The following CSH1 variants were observed in gnomAD, a reference collection of about 807,000 sequenced individuals.
The protein encoded by CSH1 is chorionic somatomammotropin hormone 1.
In CSH1, 17 loss-of-function variants were observed where a neutral mutation model predicts 19.4. The ratio of observed to expected loss-of-function variants is 0.88; its 90% CI spans 0.60 to 1.31. The LOEUF (loss-of-function observed/expected upper bound fraction) is 1.31. Ranked by LOEUF, CSH1 falls within the 40% of genes most tolerant of loss-of-function variation. The pLI is 0.00. For missense variants in CSH1, 190 were observed against 243.1 expected (o/e 0.78, Z 1.45); for synonymous variants, 72 against 104.6 (o/e 0.69, Z 1.90).
chr17:63,895,416 C>G, intron 4 of CSH1, 57 bp downstream of exon 4: 1 of 1,612,952 alleles, frequency 6.2e-7, no homozygotes, highest in South Asian at 1.1e-5. Flanking sequence ...ATTTCTCTCC[C>G]CCAGCCCTCG....
chr17:63,896,336 T>G (rs1906135648), intron 1 of CSH1, 101 bp from the exon 2 acceptor site: 1 of 1,602,774 alleles, frequency 6.2e-7, no homozygotes, highest in Non-Finnish European at 8.5e-7. Context: ...TCTCCATCCC[T>G]CCAGAGACCA....
In CSH1 at chr17:63,895,314, T is replaced by C. The variant is rs145558275; in HGVS notation, c.457-95A>G. On this transcript the variant is annotated intron_variant, in intron 4 of 4. Coordinates refer to ENST00000316193, the MANE Select transcript of CSH1 (RefSeq NM_001317.6). ...ATTTTCCTCCCTCCCCTTCAGGGTG[T>C]AGAGAAAGGCCTGGAGGATTCACCA... is the stretch of plus-strand genomic sequence containing the variant. 6.8e-5 allele frequency: 109 copies of C among 1,612,666 alleles called. 5 individuals are homozygous for C. In the African/African-American group the frequency reaches 1.4e-3, roughly 20 times the overall value.
chr17:63,895,082 C>T lies in CSH1; in HGVS notation c.594G>A (p.Lys198=), dbSNP rs746249369. The change falls in exon 5 of 5, where the codon AAG becomes AAA. Residue 198 remains lysine, a synonymous_variant. Transcript: ENST00000316193. ...GCACCATGCGCAGGAATGTCTCGACCTTGTCCATGTCCTTCCTGAAGCAGT... is the reference window on the plus strand; with the variant it reads ...GCACCATGCGCAGGAATGTCTCGACTTTGTCCATGTCCTTCCTGAAGCAGT... The part of the protein sequence containing the change: ...LLYCFRKDMD[K]VETFLRMVQC... The T allele has an allele frequency of 1.9e-6, 3 of 1,612,814 alleles. No homozygotes were observed. In the African/African-American group the frequency reaches 4.0e-5, roughly 22 times the overall value.
chr17:63,896,448 G>T (rs1274516804), intron 1 of CSH1, 54 bp downstream of exon 1: 2 of 1,610,824 alleles, frequency 1.2e-6, no homozygotes, highest in South Asian at 1.1e-5. Flanking sequence ...TCTACAGGGC[G>T]CTGCCTCTCC....
chr17:63,895,077 T>C lies in CSH1; in HGVS notation c.599A>G (p.Glu200Gly). The change falls in exon 5 of 5, where the codon GAG (glutamate) becomes GGG (glycine). Residue 200 changes from glutamate (E) to glycine (G), a missense_variant. Physicochemically the swap from Glu to Gly is moderately conservative, Grantham distance 98 (BLOSUM62 -2). Transcript: ENST00000316193. ...GCACTGCACCATGCGCAGGAATGTC[T>C]CGACCTTGTCCATGTCCTTCCTGAA... ...YCFRKDMDKV[E>G]TFLRMVQCRS... The C allele has an allele frequency of 1.2e-6, 2 of 1,612,926 alleles. No homozygotes were observed. Among genetic ancestry groups the C allele is most frequent in the Non-Finnish European group, 1.7e-6 (2 of 1,179,646 alleles).
rs1339910908 is a variant in CSH1 at position 63,896,204 on chromosome 17, G to A, written c.42C>T (p.Ala14=). 1.4e-6 allele frequency: 2 copies of A among 1,461,854 alleles called. No homozygotes were observed. The highest frequency in any genetic ancestry group is 1.9e-5 in the African/African-American group (1 of 52,472). 90.6% of individuals were successfully genotyped at this position (1,461,854 alleles called of 1,614,324 possible). A position where few individuals can be genotyped will look rare whatever the true frequency, so the allele number is the denominator to read the frequency against. The change falls in exon 2 of 5, where the codon GCC becomes GCT. Residue 14 remains alanine (A), a synonymous_variant. Transcript: ENST00000316193. The stretch of plus-strand genomic sequence containing the variant: ...CTTGAAGCCAGGGCAGGCAGAGCAG[G>A]GCAAAAGCCAGGAGCAGGGACGTCC... ...GSRTSLLLAF[A]LLCLPWLQEA...
intron 4 of CSH1, 96 bp from the exon 5 acceptor site, chr17:63,895,315 A>G (rs1906063279): frequency 1.2e-6 from 2 of 1,612,620 alleles, no homozygotes; most frequent in Non-Finnish European, 1.7e-6. Flanking sequence ...TTCAGGGTGT[A>G]GAGAAAGGCC....
chr17:63,895,359 T>C, intron 4 of CSH1, 114 bp downstream of exon 4: 2 of 1,612,804 alleles, frequency 1.2e-6, no homozygotes, highest in Admixed American at 1.7e-5. Context: ...AAGAATAAGG[T>C]GAGTTCTCTT....
chr17:63,895,899 A>C, intron 2 of CSH1, 49 bp from the exon 3 acceptor site: 1 of 473,294 alleles, frequency 2.1e-6, no homozygotes, highest in Non-Finnish European at 3.4e-6. Flanking sequence ...TCTATGCTGG[A>C]GACCAGCTCC....
chr17:63,895,656 C>T lies in CSH1; in HGVS notation c.292-19G>A, dbSNP rs1484814742. On this transcript the variant is annotated intron_variant, in intron 3 of 4. Transcript: ENST00000316193. ...CTAGATTCTGCAGGGGAAGGACCGGCAGTGGCTGTGCTGCCCGGGAGCCCT... is the reference window on the plus strand; with the variant it reads ...CTAGATTCTGCAGGGGAAGGACCGGTAGTGGCTGTGCTGCCCGGGAGCCCT... 6.7e-7 allele frequency: 1 copy of T among 1,495,554 alleles called. No individual in the cohort carries two copies. Among genetic ancestry groups the T allele is most frequent in the Admixed American group, 2.1e-5 (1 of 47,228 alleles). 92.6% of individuals were successfully genotyped at this position (1,495,554 alleles called of 1,614,324 possible). A position where few individuals can be genotyped will look rare whatever the true frequency, so the allele number is the denominator to read the frequency against.
rs1906106393 is a variant in CSH1, at chr17:63,895,840, T to C, written c.182A>G (p.Tyr61Cys). 9.8e-6 allele frequency: 5 copies of C among 511,448 alleles called. No individual in the cohort carries two copies. The highest frequency in any genetic ancestry group is 1.5e-5 in the Non-Finnish European group (5 of 324,660). 31.7% of individuals were successfully genotyped at this position (511,448 alleles called of 1,614,324 possible). ...IDTYQEFEET[Y>C]IPKDQKYSFL... ...TGAATACTTCTGGTCCTTTGGGATA[T>C]AGGTTTCTTCCTAGGAGAAGGACCC... The change falls in exon 3 of 5, where the codon TAT (tyrosine) becomes TGT (cysteine). Residue 61 changes from tyrosine (Y) to cysteine (C), a missense_variant. Around this residue, in one of 3 missense-constraint regions of CSH1, gnomAD observed 175 missense variants for 187.2 expected, o/e 0.93. Coordinates refer to ENST00000316193, the MANE Select transcript of CSH1 (RefSeq NM_001317.6).
At chr17:63,896,481 A>T in intron 1 of CSH1, 21 bp downstream of exon 1, 1 of 1,612,902 alleles carries the variant, frequency 6.2e-7, no homozygotes, top group East Asian at 2.2e-5. Context: ...TTGTGCCCAA[A>T]GGGATTTTAG....
rs1275659399 is a variant in CSH1, at chr17:63,895,329, A to G, written c.457-110T>C. On this transcript the variant is annotated intron_variant, in intron 4 of 4. Coordinates refer to ENST00000316193, the MANE Select transcript of CSH1 (RefSeq NM_001317.6). Reference sequence around the variant, plus strand: ...CTTCAGGGTGTAGAGAAAGGCCTGGAGGATTCACCAGGCGAAATGAAGAAT... The same window carrying G: ...CTTCAGGGTGTAGAGAAAGGCCTGGGGGATTCACCAGGCGAAATGAAGAAT... The G allele has an allele frequency of 3.7e-6, 6 of 1,612,734 alleles. No homozygotes were observed. The Middle Eastern group carries it at 5.0e-4, about 133-fold the overall frequency.
At position 63,894,987 on chromosome 17, in the gene CSH1, C is replaced by T; in HGVS notation, c.*35G>A. 1.9e-6 allele frequency: 3 copies of T among 1,612,916 alleles called. No homozygotes were observed. In the South Asian group the frequency reaches 3.3e-5, roughly 18 times the overall value. On this transcript the variant is annotated 3_prime_UTR_variant, in exon 5 of 5. Transcript: ENST00000316193. ...GTGGCACCTTCAGGGCCAGGAGAGGCACTGGGGAGGGGTCACAGGATGCTA... is the reference window on the plus strand; with the variant it reads ...GTGGCACCTTCAGGGCCAGGAGAGGTACTGGGGAGGGGTCACAGGATGCTA...
At chr17:63,896,404 A>G (rs940640303) in intron 1 of CSH1, 98 bp downstream of exon 1, 1 of 1,564,016 alleles carries the variant, frequency 6.4e-7, no homozygotes, top group Non-Finnish European at 8.8e-7. Context: ...CACATTCATA[A>G]GCCCCAAACC....
chr17:63,896,483 G>C lies in CSH1; in HGVS notation c.10+19C>G, dbSNP rs781744810. On this transcript the variant is annotated intron_variant, in intron 1 of 4. Transcript: ENST00000316193. ...CCCTCAGGACACGTTGTGCCCAAAG[G>C]GATTTTAGGGGCGCTTACCTGGAGC... 8 of 1,613,006 alleles carry C rather than the reference G, an allele frequency of 5.0e-6. No homozygotes were observed. In the South Asian group the frequency reaches 6.6e-5, roughly 13 times the overall value.
Position 63,894,965 on chromosome 17 carries a change from G to A in CSH1, c.*57C>T. The A allele has an allele frequency of 6.2e-7, 1 of 1,612,392 alleles. No homozygotes were observed. The highest frequency in any genetic ancestry group is 8.5e-7 in the Non-Finnish European group (1 of 1,179,214). On this transcript the variant is annotated 3_prime_UTR_variant, in exon 5 of 5. Transcript: ENST00000316193. ...GACAAGGCTGGTGGGCACTGGAGTG[G>A]CACCTTCAGGGCCAGGAGAGGCACT... is the stretch of plus-strand genomic sequence containing the variant.
chr17:63,896,538 C>T lies in CSH1; in HGVS notation c.-27G>A, dbSNP rs1184593343. On this transcript the variant is annotated 5_prime_UTR_variant, in exon 1 of 5. Coordinates refer to ENST00000316193, the MANE Select transcript of CSH1 (RefSeq NM_001317.6). ...GCCACTAGGTGAGCTGTCCACAGGA[C>T]CCTGAGTGGTTCGGGGAGTTGGGCC... is the stretch of plus-strand genomic sequence containing the variant. The T allele has an allele frequency of 1.2e-6, 2 of 1,613,436 alleles. No homozygotes were observed. Among genetic ancestry groups the T allele is most frequent in the Non-Finnish European group, 8.5e-7 (1 of 1,179,528 alleles).
Position 63,895,042 on chromosome 17 carries a change from C to T in CSH1, c.634G>A (p.Glu212Lys), listed in dbSNP as rs1458760534. 7.4e-6 allele frequency: 12 copies of T among 1,613,030 alleles called. No individual in the cohort carries two copies. The South Asian group carries it at 1.3e-4, about 18-fold the overall frequency. The change falls in exon 5 of 5, where the codon GAG (glutamate) becomes AAG (lysine). Residue 212 changes from glutamate to lysine, a missense_variant. By Grantham distance (56) the Glu-to-Lys change is moderately conservative. Around this residue, in one of 3 missense-constraint regions of CSH1, gnomAD observed 175 missense variants for 187.2 expected, o/e 0.93. Coordinates refer to ENST00000316193, the MANE Select transcript of CSH1 (RefSeq NM_001317.6). The stretch of plus-strand genomic sequence containing the variant: ...GGCACCTAGAAGCCACAGCTGCCCT[C>T]CACAGAGCGGCACTGCACCATGCGC... ...FLRMVQCRSV[E>K]GSCGF
Sources: gnomAD v4.1 joint callset for allele counts on GRCh38, gnomAD v4.1.1 for gene constraint, gnomAD v4.1.1 regional missense constraint, MANE v1.5 for transcripts, NCBI Gene and HGNC (gene_info 2026-07-23, HGNC 2026-07-21) for gene names.